NR1H4: variants seen among roughly 807,000 people sequenced by gnomAD.
NR1H4 encodes bile acid receptor.
In NR1H4, 23 loss-of-function variants were observed where a neutral mutation model predicts 58.5. That is an observed-to-expected ratio of 0.39 (90% CI 0.28 to 0.56). The LOEUF is 0.56. NR1H4 is among the 20% of genes least tolerant of loss of function. The pLI, the probability that NR1H4 is intolerant of heterozygous loss-of-function variation, is 0.58. For missense variants in NR1H4, 487 were observed against 576.9 expected, an observed-to-expected ratio of 0.84 and a Z score of 1.60; for synonymous variants, 214 against 198.0, an observed-to-expected ratio of 1.08 and a Z score of -0.68.
At chr12:100,559,718 G>A (rs1365257859) in intron 9 of NR1H4, among the ~76,000 whole-genome samples, 3 of 152,344 alleles carry the variant, frequency 2.0e-5, no homozygotes, top group East Asian at 1.9e-4. Context: ...ACCACCCCCT[G>A]CTCCACGGCG....
intron 3 of NR1H4, among the ~76,000 whole-genome samples, chr12:100,496,680 T>C (rs1953722304): frequency 6.6e-6 from 1 of 152,138 alleles, no homozygotes. Flanking sequence ...GACTTAATGG[T>C]ACTCACTTGG....
chr12:100,497,590 C>T (rs920263871), intron 3 of NR1H4, among the ~76,000 whole-genome samples: 1 of 152,092 alleles, frequency 6.6e-6, no homozygotes, highest in Non-Finnish European at 1.5e-5. Context: ...ACTGAATCCA[C>T]GTAGAGGCCT....
At chr12:100,516,985 C>G (rs978601622) in intron 4 of NR1H4, among the ~76,000 whole-genome samples, 3 of 152,054 alleles carry the variant, frequency 2.0e-5, no homozygotes, top group Non-Finnish European at 4.4e-5. Context: ...ATGATCAAAT[C>G]AGGGTAATTA....
rs1954081320 is a variant in NR1H4, at chr12:100,510,607, T to TATA, written c.80-171_80-170insATA. ...TGAATTTTTAATTTGTCATTTAATT[T>TATA]TATATATATATATATATATATATAT... On this transcript the variant is annotated intron_variant, in intron 3 of 10. Transcript: ENST00000392986. Among the ~76,000 whole-genome samples the TATA allele has an allele frequency of 2.5e-3, 328 of 133,688 alleles. 1 individual carries two copies. The highest frequency in any genetic ancestry group is 8.6e-3 in the African/African-American group (307 of 35,790). The allele number at this position is 133,688 out of a possible 152,430, so 87.7% of individuals were successfully genotyped here.
chr12:100,506,796 C>G (rs893643294), intron 3 of NR1H4, among the ~76,000 whole-genome samples: 3 of 152,226 alleles, frequency 2.0e-5, no homozygotes, highest in Non-Finnish European at 4.4e-5. Flanking sequence ...GCATTAGCCA[C>G]TGCACTTGGC....
chr12:100,501,903 G>A (rs989714728), intron 3 of NR1H4, among the ~76,000 whole-genome samples: 32 of 152,220 alleles, frequency 2.1e-4, no homozygotes, highest in African/African-American at 7.5e-4. Context: ...CTCCACCCTG[G>A]ATCAACTGAG....
chr12:100,500,769 AG>A (rs1953816251), intron 3 of NR1H4, among the ~76,000 whole-genome samples: 1 of 152,080 alleles, frequency 6.6e-6, no homozygotes, highest in Non-Finnish European at 1.5e-5. Flanking sequence ...CTGCCTTTTG[AG>A]GACATGCTTT....
Position 100,532,089 on chromosome 12 carries a change from C to T in NR1H4, c.446-369C>T, listed in dbSNP as rs370081793. Among the ~76,000 whole-genome samples the T allele has an allele frequency of 5.9e-5, 9 of 152,260 alleles. No individual in the cohort carries two copies. The East Asian group carries it at 7.7e-4, about 13-fold the overall frequency. ...TTTGTGCGTCTTTGTCCTCAGCCAGCCTTTAAACTCTTGGAGCCCAGGGGT... is the reference window on the plus strand; with the variant it reads ...TTTGTGCGTCTTTGTCCTCAGCCAGTCTTTAAACTCTTGGAGCCCAGGGGT... On this transcript the variant is annotated intron_variant, in intron 4 of 10. Coordinates refer to ENST00000392986, the MANE Select transcript of NR1H4 (RefSeq NM_001206979.2).
chr12:100,557,414 C>T (rs1955355466), intron 9 of NR1H4, among the ~76,000 whole-genome samples: 1 of 152,228 alleles, frequency 6.6e-6, no homozygotes, highest in African/African-American at 2.4e-5. Context: ...CAAACACCTT[C>T]CACCAGGCCC....
At chr12:100,524,069 A>T (rs1427235974) in intron 4 of NR1H4, among the ~76,000 whole-genome samples, 1 of 152,242 alleles carries the variant, frequency 6.6e-6, no homozygotes, top group East Asian at 1.9e-4. Context: ...TCACATAAAC[A>T]TATAGGTGAT....
intron 3 of NR1H4, among the ~76,000 whole-genome samples, chr12:100,506,842 G>A (rs1420588923): frequency 1.3e-5 from 2 of 151,978 alleles, no homozygotes; most frequent in Non-Finnish European, 2.9e-5. Flanking sequence ...TATTGTGTAC[G>A]GTTCTCATAT....
intron 10 of NR1H4, 36 bp from the exon 11 acceptor site, chr12:100,563,215 T>C: frequency 2.6e-6 from 4 of 1,511,734 alleles, no homozygotes; most frequent in Non-Finnish European, 3.7e-6. Flanking sequence ...TTTTCCACTT[T>C]TTAATTTTGT....
chr12:100,540,102 G>T (rs181095928), intron 8 of NR1H4, among the ~76,000 whole-genome samples: 2 of 152,294 alleles, frequency 1.3e-5, no homozygotes, highest in Admixed American at 1.3e-4. Flanking sequence ...GAATTTTCCA[G>T]GGAGTGTTAT....
chr12:100,505,249 G>A (rs1953932091), intron 3 of NR1H4, among the ~76,000 whole-genome samples: 1 of 152,196 alleles, frequency 6.6e-6, no homozygotes, highest in Non-Finnish European at 1.5e-5. Flanking sequence ...GAGATTATGG[G>A]GGAGTGCCAT....
chr12:100,505,524 G>T (rs923058270), intron 3 of NR1H4: 12 of 692,060 alleles, frequency 1.7e-5, no homozygotes, highest in Non-Finnish European at 2.9e-5. Flanking sequence ...TTTAGAGAAG[G>T]TGTTGAAACC....
intron 3 of NR1H4, among the ~76,000 whole-genome samples, chr12:100,508,505 G>A (rs946910287): frequency 3.1e-4 from 47 of 152,054 alleles, no homozygotes; most frequent in African/African-American, 1.0e-3. Context: ...GCAATTCAGT[G>A]CATGGGCTTT....
rs1555195908 is a variant in NR1H4 at position 100,545,656 on chromosome 12, A to AC, written c.1078+4838_1078+4839insC. Among the ~76,000 whole-genome samples the AC allele has an allele frequency of 1.2e-3, 180 of 147,106 alleles. 14 individuals are homozygous for AC. Among genetic ancestry groups the AC allele is most frequent in the African/African-American group, 4.6e-3 (178 of 38,556 alleles). On this transcript the variant is annotated intron_variant, in intron 9 of 10. Coordinates refer to ENST00000392986, the MANE Select transcript of NR1H4 (RefSeq NM_001206979.2). ...GACCTTGTCTCAAAAAAAAAAAAAAAAAAAAAAAAAAAACCAAACGGGGGG... is the reference window on the plus strand; with the variant it reads ...GACCTTGTCTCAAAAAAAAAAAAAAACAAAAAAAAAAAAACCAAACGGGGGG...
chr12:100,544,325 A>G (rs1480620414), intron 9 of NR1H4, among the ~76,000 whole-genome samples: 2 of 151,720 alleles, frequency 1.3e-5, no homozygotes, highest in Non-Finnish European at 2.9e-5. Context: ...AAAAGGAATG[A>G]TGACTCATGA....
chr12:100,486,574 G>A (rs976269139), intron 1 of NR1H4, among the ~76,000 whole-genome samples: 1 of 152,084 alleles, frequency 6.6e-6, no homozygotes, highest in South Asian at 2.1e-4. Context: ...TCTACGTTTG[G>A]CACCGTCTCA....
Sources: gnomAD v4.1 joint callset for allele counts (sites outside exome capture counted in the v4.1 genomes callset) on GRCh38, gnomAD v4.1.1 for gene constraint, MANE v1.5 for transcripts, NCBI Gene and HGNC (gene_info 2026-07-23, HGNC 2026-07-21) for gene names.